CPNE4: variants seen among roughly 807,000 people sequenced by gnomAD.
CPNE4 encodes the protein copine 4.
CPNE4 carries 25 observed loss-of-function variants against 67.9 expected under a neutral mutation model. The ratio of observed to expected loss-of-function variants is 0.37; its 90% CI spans 0.27 to 0.51. The LOEUF (loss-of-function observed/expected upper bound fraction) is 0.51, where lower values mean the gene tolerates loss of function less well. Ranked by LOEUF, CPNE4 falls within the 20% of genes least tolerant of loss-of-function variation. The pLI is 0.93. For synonymous variants in CPNE4, 242 were observed against 244.9 expected (o/e 0.99, Z 0.11); for missense variants, 464 against 690.8 (o/e 0.67, Z 3.68).
At chr3:131,875,960 G>C (rs1404624414) in intron 2 of CPNE4, among the ~76,000 whole-genome samples, 1 of 152,148 alleles carries the variant, frequency 6.6e-6, no homozygotes, top group Non-Finnish European at 1.5e-5. Context: ...GTTTTTGTTG[G>C]TTGGAATTTT....
intron 1 of CPNE4, among the ~76,000 whole-genome samples, chr3:131,940,797 A>G (rs1560639155): frequency 6.6e-6 from 1 of 152,136 alleles, no homozygotes; most frequent in Admixed American, 6.6e-5. Context: ...CACAATTACA[A>G]GGTAGATGGA....
intron 1 of CPNE4, among the ~76,000 whole-genome samples, chr3:131,977,062 A>T (rs1322049919): frequency 1.3e-5 from 2 of 152,130 alleles, no homozygotes; most frequent in African/African-American, 4.8e-5. Flanking sequence ...AGCCTCCCAA[A>T]GTGCTGGGAT....
chr3:131,896,792 A>G (rs1404993513), intron 2 of CPNE4, among the ~76,000 whole-genome samples: 1 of 152,090 alleles, frequency 6.6e-6, no homozygotes, highest in Non-Finnish European at 1.5e-5. Flanking sequence ...TTATTTCACC[A>G]TCCTGAGATC....
At chr3:131,804,208 T>C (rs1017380339) in intron 2 of CPNE4, among the ~76,000 whole-genome samples, 1 of 152,096 alleles carries the variant, frequency 6.6e-6, no homozygotes, top group Non-Finnish European at 1.5e-5. Flanking sequence ...TCATTCACAC[T>C]GGTTTAATCA....
At chr3:131,569,660 A>C (rs984934452) in intron 10 of CPNE4, among the ~76,000 whole-genome samples, 3 of 150,402 alleles carry the variant, frequency 2.0e-5, no homozygotes, top group Non-Finnish European at 4.4e-5. Flanking sequence ...AAACAAAAAA[A>C]AACAAAAAAA....
chr3:131,937,876 G>A (rs1191733873), intron 1 of CPNE4, among the ~76,000 whole-genome samples: 1 of 151,960 alleles, frequency 6.6e-6, no homozygotes, highest in Non-Finnish European at 1.5e-5. Flanking sequence ...TTAAAATCAG[G>A]TAGAAAGAGA....
chr3:131,572,422 C>A (rs1379304632), intron 10 of CPNE4, among the ~76,000 whole-genome samples: 1 of 151,998 alleles, frequency 6.6e-6, no homozygotes, highest in Non-Finnish European at 1.5e-5. Context: ...CGCTGCCCAA[C>A]CACAGCCTAG....
intron 1 of CPNE4, among the ~76,000 whole-genome samples, chr3:131,963,531 C>A (rs1374533510): frequency 3.9e-5 from 6 of 152,202 alleles, no homozygotes; most frequent in African/African-American, 1.2e-4. Context: ...TGAAGTCGAC[C>A]TGGGATGCTT....
intron 1 of CPNE4, among the ~76,000 whole-genome samples, chr3:132,005,350 C>T (rs1410653103): frequency 0.28 from 5,920 of 20,828 alleles, 267 homozygotes; most frequent in South Asian, 0.36. Flanking sequence ...TATACACACA[C>T]ACACACACAC....
intron 1 of CPNE4, among the ~76,000 whole-genome samples, chr3:131,988,514 C>A (rs536008029): frequency 3.3e-5 from 5 of 152,222 alleles, no homozygotes; most frequent in Non-Finnish European, 5.9e-5. Context: ...AGGGCAATAG[C>A]TATGGAGACA....
chr3:132,008,155 C>G (rs1254592364), intron 1 of CPNE4, among the ~76,000 whole-genome samples: 1 of 152,026 alleles, frequency 6.6e-6, no homozygotes. Context: ...TGGAATATGA[C>G]TTATTATTTC....
chr3:132,015,792 G>A (rs867657352), intron 1 of CPNE4, among the ~76,000 whole-genome samples: 2 of 152,204 alleles, frequency 1.3e-5, no homozygotes, highest in Admixed American at 6.5e-5. Context: ...CAGCCTCAGA[G>A]GGAATAAACA....
At chr3:131,978,554 A>C in intron 1 of CPNE4, among the ~76,000 whole-genome samples, 1 of 92,210 alleles carries the variant, frequency 1.1e-5, no homozygotes, top group Admixed American at 1.8e-4. Flanking sequence ...ATATATATAT[A>C]TATATGCCAC....
In CPNE4 at chr3:131,677,513, A is replaced by C. The variant is rs151014633; in HGVS notation, c.592-7749T>G. 2.9e-3 allele frequency among the ~76,000 whole-genome samples: 438 copies of C among 152,240 alleles called. 4 individuals are homozygous for C. Among genetic ancestry groups the C allele is most frequent in the African/African-American group, 9.9e-3 (412 of 41,558 alleles). On this transcript the variant is annotated intron_variant, in intron 6 of 15. Coordinates refer to ENST00000429747, the MANE Select transcript of CPNE4 (RefSeq NM_130808.3). The stretch of plus-strand genomic sequence containing the variant: ...TATTATGAAATCTTTGCCCATGCTT[A>C]TGTCCTAAATGGTATTGCCTAGGTT...
At chr3:131,714,317 C>G (rs2081631868) in intron 3 of CPNE4, among the ~76,000 whole-genome samples, 1 of 152,126 alleles carries the variant, frequency 6.6e-6, no homozygotes, top group African/African-American at 2.4e-5. Flanking sequence ...TGACATAATC[C>G]TAACATTCAC....
At chr3:131,564,015 A>T (rs1417800039) in intron 11 of CPNE4, among the ~76,000 whole-genome samples, 2 of 152,076 alleles carry the variant, frequency 1.3e-5, no homozygotes, top group Non-Finnish European at 2.9e-5. Flanking sequence ...TTGAGAGAAG[A>T]AGGCTGAGAA....
chr3:131,735,731 G>A (rs1042680781), intron 2 of CPNE4, among the ~76,000 whole-genome samples: 2 of 152,230 alleles, frequency 1.3e-5, no homozygotes, highest in African/African-American at 4.8e-5. Flanking sequence ...AGTGGGGCAA[G>A]TTGACTTCAT....
At chr3:131,738,255 A>T (rs145753930) in intron 2 of CPNE4, among the ~76,000 whole-genome samples, 62 of 152,396 alleles carry the variant, frequency 4.1e-4, no homozygotes, top group African/African-American at 1.4e-3. Flanking sequence ...TATACAGCAC[A>T]TGTGACAAAT....
chr3:131,800,913 G>A (rs1274139961), intron 2 of CPNE4, among the ~76,000 whole-genome samples: 2 of 152,104 alleles, frequency 1.3e-5, no homozygotes, highest in African/African-American at 2.4e-5. Context: ...ATGGGATTGG[G>A]AACTATTTTA....
Sources: allele counts gnomAD v4.1 joint callset (sites outside exome capture counted in the v4.1 genomes callset), GRCh38; gene constraint gnomAD v4.1.1; transcripts MANE v1.5; gene names NCBI Gene and HGNC (gene_info 2026-07-23, HGNC 2026-07-21).